The following LHFPL3 variants were observed in gnomAD, a reference collection of about 807,000 sequenced individuals.
LHFPL3 encodes the protein LHFPL tetraspan subfamily member 3, also known as LHFPL tetraspan subfamily member 3 protein.
A neutral mutation model predicts 19.3 loss-of-function variants in LHFPL3; 5 were observed. That is an observed-to-expected ratio of 0.26 (90% CI 0.14 to 0.54). The LOEUF (loss-of-function observed/expected upper bound fraction) is 0.54. LHFPL3 is among the 20% of genes least tolerant of loss of function. LHFPL3 has a pLI of 0.94. For synonymous variants in LHFPL3, 133 were observed against 126.2 expected, an observed-to-expected ratio of 1.05 and a Z score of -0.36; for missense variants, 249 against 307.4, an observed-to-expected ratio of 0.81 and a Z score of 1.42.
intron 2 of LHFPL3, among the ~76,000 whole-genome samples, chr7:104,823,729 C>T (rs1035765139): frequency 1.3e-5 from 2 of 152,148 alleles, no homozygotes; most frequent in Admixed American, 6.6e-5. Flanking sequence ...CTTTCAATTT[C>T]TCGCTCCGCT....
chr7:104,546,091 C>G (rs1794574492), intron 1 of LHFPL3, among the ~76,000 whole-genome samples: 1 of 152,112 alleles, frequency 6.6e-6, no homozygotes, highest in Non-Finnish European at 1.5e-5. Flanking sequence ...AAATTTTTGT[C>G]TCAGAATCTA....
intron 2 of LHFPL3, among the ~76,000 whole-genome samples, chr7:104,810,149 C>T (rs1584546748): frequency 6.6e-6 from 1 of 152,194 alleles, no homozygotes; most frequent in Non-Finnish European, 1.5e-5. Context: ...TGCTTCCTAA[C>T]ACCTGAAGTT....
intron 1 of LHFPL3, among the ~76,000 whole-genome samples, chr7:104,374,379 C>T (rs1176200020): frequency 6.6e-6 from 1 of 151,938 alleles, no homozygotes; most frequent in African/African-American, 2.4e-5. Flanking sequence ...GTAGCTGGGA[C>T]TACAGGCATG....
chr7:104,801,462 T>C (rs10085776), intron 2 of LHFPL3, among the ~76,000 whole-genome samples: 72,203 of 152,150 alleles, frequency 0.47, 18,198 homozygotes, highest in Non-Finnish European at 0.56. Context: ...AGGAAAGTGG[T>C]GTTAACCTGA....
intron 1 of LHFPL3, among the ~76,000 whole-genome samples, chr7:104,412,580 C>G (rs1009345909): frequency 1.3e-5 from 2 of 149,318 alleles, no homozygotes; most frequent in Non-Finnish European, 2.9e-5. Flanking sequence ...GGTGCAGGCA[C>G]AGCAGGGAGT....
chr7:104,483,910 C>G (rs573203625), intron 1 of LHFPL3, among the ~76,000 whole-genome samples: 13 of 152,174 alleles, frequency 8.5e-5, no homozygotes, highest in Non-Finnish European at 1.0e-4. Context: ...CAGGTATCAG[C>G]CACCACATGT....
intron 2 of LHFPL3, among the ~76,000 whole-genome samples, chr7:104,847,942 C>T (rs1030710291): frequency 8.5e-5 from 13 of 152,216 alleles, no homozygotes; most frequent in Non-Finnish European, 5.9e-5. Flanking sequence ...CTGCAGCAGC[C>T]TTCCCTGAAT....
intron 1 of LHFPL3, among the ~76,000 whole-genome samples, chr7:104,527,875 CAG>C (rs1794220124): frequency 6.6e-6 from 1 of 152,168 alleles, no homozygotes; most frequent in Non-Finnish European, 1.5e-5. Context: ...CAATAGAGGA[CAG>C]AAATCAAAAC....
At chr7:104,514,373 T>C (rs1793881351) in intron 1 of LHFPL3, among the ~76,000 whole-genome samples, 1 of 152,172 alleles carries the variant, frequency 6.6e-6, no homozygotes, top group South Asian at 2.1e-4. Context: ...ATTATCTCAT[T>C]AGTATCTATC....
intron 2 of LHFPL3, among the ~76,000 whole-genome samples, chr7:104,774,112 C>T (rs1228149935): frequency 6.6e-6 from 1 of 152,184 alleles, no homozygotes; most frequent in Non-Finnish European, 1.5e-5. Flanking sequence ...GTTCATTCCT[C>T]AGCTTCAAAT....
At chr7:104,508,615 A>T (rs952422922) in intron 1 of LHFPL3, among the ~76,000 whole-genome samples, 2 of 121,482 alleles carry the variant, frequency 1.6e-5, no homozygotes, top group South Asian at 2.3e-4. Flanking sequence ...ATAATAAAAA[A>T]AAATATATAT....
intron 2 of LHFPL3, among the ~76,000 whole-genome samples, chr7:104,792,421 A>G (rs1790039999): frequency 6.6e-6 from 1 of 152,232 alleles, no homozygotes; most frequent in Non-Finnish European, 1.5e-5. Flanking sequence ...TTACAGATGA[A>G]TTAATTATCT....
chr7:104,753,471 AT>A (rs1475344461), intron 2 of LHFPL3, among the ~76,000 whole-genome samples: 6 of 152,152 alleles, frequency 3.9e-5, no homozygotes, highest in African/African-American at 1.2e-4. Context: ...ATATTTGAGA[AT>A]TTTTTTTCAA....
At chr7:104,554,553 T>C (rs1417801177) in intron 1 of LHFPL3, among the ~76,000 whole-genome samples, 2 of 152,082 alleles carry the variant, frequency 1.3e-5, no homozygotes, top group African/African-American at 2.4e-5. Flanking sequence ...TAATCCCTAA[T>C]GTGATGGTAT....
At chr7:104,801,527 T>G (rs929242070) in intron 2 of LHFPL3, among the ~76,000 whole-genome samples, 1 of 152,086 alleles carries the variant, frequency 6.6e-6, no homozygotes. Flanking sequence ...GCACCAAAGT[T>G]TTTTGTTGTT....
chr7:104,328,834 C>A lies in LHFPL3; in HGVS notation c.55C>A (p.Gln19Lys), dbSNP rs1157027115. ...CGCCGCCGCCGCGATGCTCCCGGCTCAGGAGGCTGCCAAGCTGTACCACAC... is the reference window on the plus strand; with the variant it reads ...CGCCGCCGCCGCGATGCTCCCGGCTAAGGAGGCTGCCAAGCTGTACCACAC... ...AAAAAAMLPA[Q>K]EAAKLYHTNY... Residue 19 changes from glutamine (Q) to lysine (K), a missense_variant, in exon 1 of 3, where the codon CAG (glutamine) becomes AAG (lysine). Gln to Lys is a moderately conservative substitution (Grantham distance 53). Coordinates refer to ENST00000424859, the MANE Select transcript of LHFPL3 (RefSeq NM_199000.3). This position sits in a 1 kb window ranked among gnomAD's most constrained non-coding sequence, Gnocchi z 4.6. 6.2e-7 allele frequency: 1 copy of A among 1,613,668 alleles called. No individual in the cohort carries two copies. The highest frequency in any genetic ancestry group is 1.1e-5 in the South Asian group (1 of 91,068).
chr7:104,730,648 C>G (rs1270949638), intron 1 of LHFPL3, among the ~76,000 whole-genome samples: 2 of 152,108 alleles, frequency 1.3e-5, no homozygotes, highest in African/African-American at 4.8e-5. Context: ...GATATTAGCC[C>G]TTTGTCAGAT....
chr7:104,797,305 C>T (rs1790152973), intron 2 of LHFPL3, among the ~76,000 whole-genome samples: 2 of 152,182 alleles, frequency 1.3e-5, no homozygotes, highest in East Asian at 3.9e-4. Context: ...CCTCCTGGCT[C>T]TTAGTGGCTG....
intron 2 of LHFPL3, among the ~76,000 whole-genome samples, chr7:104,862,504 T>C (rs1177264123): frequency 6.6e-6 from 1 of 152,220 alleles, no homozygotes; most frequent in Non-Finnish European, 1.5e-5. Context: ...GATGCTCTGA[T>C]AGAGCTGCAT....
Sources: gnomAD v4.1 joint callset for allele counts (sites outside exome capture counted in the v4.1 genomes callset) on GRCh38, gnomAD v4.1.1 for gene constraint, Gnocchi (gnomAD v3.1) non-coding constraint, MANE v1.5 for transcripts, NCBI Gene and HGNC (gene_info 2026-07-23, HGNC 2026-07-21) for gene names.